The following CADPS variants were observed in gnomAD, a reference collection of about 807,000 sequenced individuals.
CADPS encodes calcium dependent secretion activator, also known as calcium-dependent secretion activator 1.
Under a neutral mutation model 167.3 loss-of-function variants are expected in CADPS, and 57 were observed. The observed-to-expected ratio is 0.34, with a 90% confidence interval of 0.28 to 0.42. The LOEUF (loss-of-function observed/expected upper bound fraction) is 0.42, where lower values mean the gene tolerates loss of function less well. Ranked by LOEUF, CADPS falls within the 20% of genes least tolerant of loss-of-function variation. The pLI, the probability that CADPS is intolerant of heterozygous loss-of-function variation, is 1.00. For synonymous variants in CADPS, 676 were observed against 635.3 expected (o/e 1.06, Z -0.96); for missense variants, 1,414 against 1,738.1 (o/e 0.81, Z 3.32).
At chr3:62,519,983 T>C (rs2070057774) in intron 13 of CADPS, among the ~76,000 whole-genome samples, 1 of 152,144 alleles carries the variant, frequency 6.6e-6, no homozygotes, top group African/African-American at 2.4e-5. Context: ...TGAACACACA[T>C]TTGTTTATGT....
chr3:62,652,280 C>A (rs527904646), intron 4 of CADPS, among the ~76,000 whole-genome samples: 3 of 151,774 alleles, frequency 2.0e-5, no homozygotes, highest in African/African-American at 7.3e-5. Flanking sequence ...ATTTCTATGG[C>A]CAGTAATATG....
At chr3:62,717,384 C>T (rs929169759) in intron 3 of CADPS, among the ~76,000 whole-genome samples, 11 of 152,208 alleles carry the variant, frequency 7.2e-5, no homozygotes, top group South Asian at 2.1e-4. Flanking sequence ...TCCTGAGCTC[C>T]GTGTATATTT....
chr3:62,807,329 T>TG (rs771668048), intron 1 of CADPS, among the ~76,000 whole-genome samples: 27,532 of 151,318 alleles, frequency 0.18, 2,824 homozygotes, highest in Middle Eastern at 0.32. Context: ...TGGCGTGATC[T>TG]CAGCTCACTG....
chr3:62,795,300 C>A (rs536004210), intron 1 of CADPS, among the ~76,000 whole-genome samples: 1 of 152,152 alleles, frequency 6.6e-6, no homozygotes, highest in Admixed American at 6.5e-5. Flanking sequence ...TCCACTACAA[C>A]CCTTTCATCA....
chr3:62,656,452 C>A (rs1452624624), intron 4 of CADPS, among the ~76,000 whole-genome samples: 1 of 152,172 alleles, frequency 6.6e-6, no homozygotes. Flanking sequence ...TAGAGTTAAA[C>A]TTGAAACCTA....
intron 12 of CADPS, among the ~76,000 whole-genome samples, chr3:62,533,767 A>T (rs1387598936): frequency 6.6e-6 from 1 of 151,896 alleles, no homozygotes; most frequent in Non-Finnish European, 1.5e-5. Context: ...TTTCAAATGA[A>T]GGTAATAACG....
At chr3:62,414,952 C>T (rs990286347) in intron 28 of CADPS, among the ~76,000 whole-genome samples, 1 of 151,710 alleles carries the variant, frequency 6.6e-6, no homozygotes, top group Non-Finnish European at 1.5e-5. Flanking sequence ...CAATAGATAT[C>T]CCAGCTCCAA....
Position 62,720,506 on chromosome 3 carries a change from G to C in CADPS, c.888+32935C>G, listed in dbSNP as rs77571392. 2.2e-3 allele frequency among the ~76,000 whole-genome samples: 328 copies of C among 152,032 alleles called. 4 individuals carry two copies. In the East Asian group the frequency reaches 0.023, roughly 11 times the overall value. ...ATGTACCACACTCAGCTAATTTTTAGAAAATTATTTTTTGTAGAAATGGGG... is the reference window on the plus strand; with the variant it reads ...ATGTACCACACTCAGCTAATTTTTACAAAATTATTTTTTGTAGAAATGGGG... On this transcript the variant is annotated intron_variant, in intron 3 of 29. Coordinates refer to ENST00000383710, the MANE Select transcript of CADPS (RefSeq NM_003716.4).
chr3:62,780,558 A>T (rs2152645189), intron 1 of CADPS, among the ~76,000 whole-genome samples: 1 of 152,322 alleles, frequency 6.6e-6, no homozygotes, highest in East Asian at 1.9e-4. Context: ...GTTTGTTTGA[A>T]TTACTTTTTT....
chr3:62,546,318 A>C lies in CADPS; in HGVS notation c.1966+3585T>G, dbSNP rs142604024. ...CTTGCGTGGTAGTACCTGGTGACCA[A>C]TCCGTCCTACTTTGCTCAGGATTGA... On this transcript the variant is annotated intron_variant, in intron 11 of 29. Transcript: ENST00000383710. Among the ~76,000 whole-genome samples, 1,453 of 152,218 alleles carry C rather than the reference A, an allele frequency of 9.5e-3. 22 individuals carry two copies. Among genetic ancestry groups the C allele is most frequent in the African/African-American group, 0.032 (1,310 of 41,536 alleles).
chr3:62,475,532 T>A (rs2061161180), intron 23 of CADPS, among the ~76,000 whole-genome samples: 1 of 121,802 alleles, frequency 8.2e-6, no homozygotes, highest in African/African-American at 3.2e-5. Flanking sequence ...ACACCCTGAG[T>A]GCATGCAGAG....
In CADPS at chr3:62,453,912, G is replaced by A. The variant is rs148993294; in HGVS notation, c.3637-8115C>T. On this transcript the variant is annotated intron_variant, in intron 26 of 29. Transcript: ENST00000383710. The stretch of plus-strand genomic sequence containing the variant: ...GCACTGGGTCAAATGCTACATGGAT[G>A]CATATACATCATGAGGCCATTGTCC... Among the ~76,000 whole-genome samples, 428 of 152,218 alleles carry A rather than the reference G, an allele frequency of 2.8e-3. 2 individuals are homozygous for A. Among genetic ancestry groups the A allele is most frequent in the African/African-American group, 9.8e-3 (408 of 41,532 alleles).
chr3:62,701,635 G>GGAAAA (rs895166319), intron 3 of CADPS, among the ~76,000 whole-genome samples: 2 of 149,562 alleles, frequency 1.3e-5, no homozygotes, highest in South Asian at 2.1e-4. Flanking sequence ...AAGAAAGAAA[G>GGAAAA]GAAAAGAAAA....
Position 62,721,608 on chromosome 3 carries a change from T to C in CADPS, c.888+31833A>G, listed in dbSNP as rs539213252. Among the ~76,000 whole-genome samples the C allele has an allele frequency of 3.9e-5, 6 of 152,250 alleles. No individual in the cohort carries two copies. In the East Asian group the frequency reaches 7.7e-4, roughly 20 times the overall value. Reference sequence around the variant, plus strand: ...CTGCTGCTTTACAACATTGTCAGTATCTAGTTTGACAGATCTTTCCAACTT... The same window carrying C: ...CTGCTGCTTTACAACATTGTCAGTACCTAGTTTGACAGATCTTTCCAACTT... On this transcript the variant is annotated intron_variant, in intron 3 of 29. Coordinates refer to ENST00000383710, the MANE Select transcript of CADPS (RefSeq NM_003716.4).
At chr3:62,848,554 T>A (rs1357439823) in intron 1 of CADPS, among the ~76,000 whole-genome samples, 2 of 138,844 alleles carry the variant, frequency 1.4e-5, no homozygotes, top group Non-Finnish European at 3.1e-5. Flanking sequence ...CCCCATTGCT[T>A]GTTTTTCTCA....
intron 10 of CADPS, chr3:62,550,779 C>G (rs529604603): frequency 1.1e-5 from 5 of 456,560 alleles, no homozygotes; most frequent in South Asian, 7.7e-5. Context: ...GCTGAATAAC[C>G]AGTGACCTCC....
At chr3:62,513,025 T>TAC in intron 16 of CADPS, among the ~76,000 whole-genome samples, 1 of 152,130 alleles carries the variant, frequency 6.6e-6, no homozygotes, top group South Asian at 2.1e-4. Flanking sequence ...CTATGAAACA[T>TAC]ACATGAACTC....
At chr3:62,760,373 C>T (rs528767895) in intron 2 of CADPS, among the ~76,000 whole-genome samples, 1 of 152,092 alleles carries the variant, frequency 6.6e-6, no homozygotes, top group Non-Finnish European at 1.5e-5. Context: ...TAGAACTCAA[C>T]CCACCTCTGT....
chr3:62,487,299 G>T (rs1278131203), intron 21 of CADPS, among the ~76,000 whole-genome samples: 1 of 152,190 alleles, frequency 6.6e-6, no homozygotes, highest in East Asian at 1.9e-4. Flanking sequence ...CATATTGAAG[G>T]CCACCATGGC....
Sources: gnomAD v4.1 joint callset for allele counts (sites outside exome capture counted in the v4.1 genomes callset) on GRCh38, gnomAD v4.1.1 for gene constraint, MANE v1.5 for transcripts, NCBI Gene and HGNC (gene_info 2026-07-23, HGNC 2026-07-21) for gene names.